The following CDH3 variants were observed in gnomAD, a reference collection of about 807,000 sequenced individuals.
CDH3 encodes cadherin 3, also known as cadherin-3.
Under a neutral mutation model 82.0 loss-of-function variants are expected in CDH3, and 54 were observed. The ratio of observed to expected loss-of-function variants is 0.66; its 90% CI spans 0.53 to 0.83. CDH3 has a LOEUF of 0.83. CDH3 is among the 40% of genes least tolerant of loss of function. The pLI, the probability that CDH3 is intolerant of heterozygous loss-of-function variation, is 0.00. For synonymous variants in CDH3, 446 were observed against 437.9 expected, an observed-to-expected ratio of 1.02 and a Z score of -0.23; for missense variants, 1,054 against 1,084.6, an observed-to-expected ratio of 0.97 and a Z score of 0.40.
intron 2 of CDH3, among the ~76,000 whole-genome samples, chr16:68,663,225 C>CT (rs71382053): frequency 0.36 from 46,360 of 130,438 alleles, 8,684 homozygotes; most frequent in East Asian, 0.59. Flanking sequence ...AGGAAAGTGA[C>CT]TTTTTTTTTT....
At chr16:68,673,534 C>T (rs1486797189) in intron 2 of CDH3, among the ~76,000 whole-genome samples, 11 of 151,486 alleles carry the variant, frequency 7.3e-5, no homozygotes, top group Admixed American at 7.2e-4. Flanking sequence ...TCATGGCTCA[C>T]TGCAGCTTCA....
At chr16:68,719,462 A>C (rs189283142) in intron 1 of CDH3, among the ~76,000 whole-genome samples, 2 of 150,284 alleles carry the variant, frequency 1.3e-5, no homozygotes, top group East Asian at 3.9e-4. Context: ...GTGGTCATCT[A>C]CAAGGGCACA....
At chr16:68,649,116 A>G (rs573320603) in intron 2 of CDH3, among the ~76,000 whole-genome samples, 1 of 152,260 alleles carries the variant, frequency 6.6e-6, no homozygotes, top group East Asian at 1.9e-4. Context: ...GTATTAGTGC[A>G]GTGATTAAGT....
intron 2 of CDH3, among the ~76,000 whole-genome samples, chr16:68,656,076 T>C (rs776493351): frequency 4.6e-5 from 7 of 152,144 alleles, no homozygotes; most frequent in African/African-American, 7.2e-5. Context: ...CTTGGATACA[T>C]TGAATCTGGC....
At chr16:68,719,331 G>A (rs184813099) in intron 1 of CDH3, among the ~76,000 whole-genome samples, 18 of 151,710 alleles carry the variant, frequency 1.2e-4, no homozygotes, top group African/African-American at 4.3e-4. Context: ...TTTGCTAAGT[G>A]AAAGAAACAT....
chr16:68,717,666 G>T (rs1057011159), intron 1 of CDH3, among the ~76,000 whole-genome samples: 1 of 151,940 alleles, frequency 6.6e-6, no homozygotes, highest in Non-Finnish European at 1.5e-5. Flanking sequence ...CCAGCTACTC[G>T]GGAGGCTGAG....
At chr16:68,705,739 G>A (rs73557351) in intron 1 of CDH3, among the ~76,000 whole-genome samples, 6,464 of 151,116 alleles carry the variant, frequency 0.043, 457 homozygotes, top group African/African-American at 0.15. Flanking sequence ...ACTGTTCTTG[G>A]TGCTAGGGTT....
At chr16:68,701,265 G>A (rs1961889337), downstream of CDH3, among the ~76,000 whole-genome samples, 1 of 152,088 alleles carries the variant, frequency 6.6e-6, no homozygotes, top group South Asian at 2.1e-4. Flanking sequence ...GAAAGAATCA[G>A]AGCCTGGGCT....
At chr16:68,731,476 A>G (rs1765287138), downstream of CDH3, among the ~76,000 whole-genome samples, 1 of 32,414 alleles carries the variant, frequency 3.1e-5, no homozygotes, top group Admixed American at 3.9e-4. Flanking sequence ...ATATATACAC[A>G]CACACGTATA....
chr16:68,729,108 C>G (rs1962257418), downstream of CDH3, among the ~76,000 whole-genome samples: 1 of 152,054 alleles, frequency 6.6e-6, no homozygotes, highest in Admixed American at 6.6e-5. Context: ...AGTTCGAGAC[C>G]AGCCTGGCCA....
At chr16:68,659,903 C>A (rs1054235388) in intron 2 of CDH3, among the ~76,000 whole-genome samples, 1 of 151,722 alleles carries the variant, frequency 6.6e-6, no homozygotes, top group Non-Finnish European at 1.5e-5. Flanking sequence ...CTCTGCAGCT[C>A]GCTTTTTAAC....
At chr16:68,671,906 A>G (rs910708380) in intron 2 of CDH3, among the ~76,000 whole-genome samples, 2 of 152,184 alleles carry the variant, frequency 1.3e-5, no homozygotes, top group Middle Eastern at 3.2e-3. Flanking sequence ...TAGGACTTCA[A>G]CATAAGAATT....
chr16:68,723,625 T>C (rs1188762177), intron 2 of CDH3, among the ~76,000 whole-genome samples: 3 of 152,306 alleles, frequency 2.0e-5, no homozygotes, highest in Admixed American at 2.0e-4. Context: ...TCTGGCCTCC[T>C]CCTGGGATTT....
Position 68,663,253 on chromosome 16 carries a change from C to G in CDH3, c.161-13132C>G, listed in dbSNP as rs560672911. On this transcript the variant is annotated intron_variant, in intron 2 of 15. Coordinates refer to ENST00000264012, the MANE Select transcript of CDH3 (RefSeq NM_001793.6). Reference sequence around the variant, plus strand: ...TTTTTTTTTTTTTCTGAGACGGAGTCTTGCTCAGTCACCCAGGCTGGAGTG... The same window carrying G: ...TTTTTTTTTTTTTCTGAGACGGAGTGTTGCTCAGTCACCCAGGCTGGAGTG... 5.9e-4 allele frequency among the ~76,000 whole-genome samples: 86 copies of G among 145,414 alleles called. 1 individual carries two copies. In the Admixed American group the frequency reaches 6.0e-3, roughly 10 times the overall value.
At chr16:68,716,635 A>G (rs796490886) in intron 1 of CDH3, among the ~76,000 whole-genome samples, 3 of 150,460 alleles carry the variant, frequency 2.0e-5, no homozygotes, top group African/African-American at 4.9e-5. Context: ...AAAAAAAAAA[A>G]AAAAGAAAAG....
intron 2 of CDH3, among the ~76,000 whole-genome samples, chr16:68,646,934 C>G (rs1457245491): frequency 2.0e-5 from 3 of 152,054 alleles, no homozygotes; most frequent in Non-Finnish European, 4.4e-5. Flanking sequence ...TTTTATTTCT[C>G]CAAAAGAGGA....
Position 68,698,229 on chromosome 16 carries a change from C to G in CDH3, c.2319C>G (p.Pro773=). Residue 773 remains proline, a synonymous_variant, in exon 16 of 16, where the codon CCC becomes CCG. Coordinates refer to ENST00000264012, the MANE Select transcript of CDH3 (RefSeq NM_001793.6). ...KAANTDPTAP[P]YDTLLVFDYE... ...CTAACACAGACCCCACAGCCCCGCC[C>G]TACGACACCCTCTTGGTGTTCGACT... 1.9e-6 allele frequency: 3 copies of G among 1,614,266 alleles called. No individual in the cohort carries two copies. The highest frequency in any genetic ancestry group is 2.5e-6 in the Non-Finnish European group (3 of 1,180,050).
intron 1 of CDH3, among the ~76,000 whole-genome samples, chr16:68,705,940 C>T (rs1185216713): frequency 6.6e-6 from 1 of 151,300 alleles, no homozygotes; most frequent in Non-Finnish European, 1.5e-5. Context: ...TGGCACGTGC[C>T]TGTAGTCCCA....
In CDH3 at chr16:68,682,371, G is replaced by C. The variant is rs200872707; in HGVS notation, c.1066G>C (p.Ala356Pro). ...VQRLTVTDLD[A>P]PNSPAWRATY... ...GAGGCTGACGGTCACTGATCTGGAC[G>C]CCCCCAACTCACCAGCGTGGCGTGC... Residue 356 changes from alanine to proline, a missense_variant, in exon 9 of 16, where the codon GCC (alanine) becomes CCC (proline). Coordinates refer to ENST00000264012, the MANE Select transcript of CDH3 (RefSeq NM_001793.6). 18 of 1,613,994 alleles carry C rather than the reference G, an allele frequency of 1.1e-5. No individual in the cohort carries two copies. In the East Asian group the frequency reaches 4.0e-4, roughly 36 times the overall value.
Sources: allele counts gnomAD v4.1 joint callset (sites outside exome capture counted in the v4.1 genomes callset), GRCh38; gene constraint gnomAD v4.1.1; transcripts MANE v1.5; gene names NCBI Gene and HGNC (gene_info 2026-07-23, HGNC 2026-07-21).